The following ZMIZ1 variants were observed in gnomAD, a reference collection of about 807,000 sequenced individuals.
ZMIZ1 encodes the protein zinc finger MIZ-type containing 1.
In ZMIZ1, 17 loss-of-function variants were observed where a neutral mutation model predicts 113.9. The ratio of observed to expected loss-of-function variants is 0.15; its 90% CI spans 0.10 to 0.22. ZMIZ1 has a LOEUF of 0.22. ZMIZ1 is among the 10% of genes least tolerant of loss of function. ZMIZ1 has a pLI of 1.00. For synonymous variants in ZMIZ1, 607 were observed against 603.1 expected (o/e 1.01, Z -0.09); for missense variants, 1,059 against 1,477.8 (o/e 0.72, Z 4.65).
chr10:79,175,709 T>G (rs1438152053), intron 4 of ZMIZ1, among the ~76,000 whole-genome samples: 1 of 151,612 alleles, frequency 6.6e-6, no homozygotes, highest in Admixed American at 6.6e-5. Context: ...CTGCCCATCC[T>G]TGGGCTGGGC....
chr10:79,131,300 C>T (rs1412911364), intron 2 of ZMIZ1, among the ~76,000 whole-genome samples: 2 of 152,050 alleles, frequency 1.3e-5, no homozygotes, highest in Non-Finnish European at 2.9e-5. Flanking sequence ...TGCAGGAGAA[C>T]AGCACGTGCC....
chr10:79,111,455 T>A (rs1359495455), intron 1 of ZMIZ1, among the ~76,000 whole-genome samples: 1 of 152,090 alleles, frequency 6.6e-6, no homozygotes, highest in African/African-American at 2.4e-5. Context: ...CATAAGAAGT[T>A]TGGCCTGCCC....
intron 3 of ZMIZ1, among the ~76,000 whole-genome samples, chr10:79,148,880 C>T (rs867320854): frequency 1.3e-5 from 2 of 152,336 alleles, no homozygotes; most frequent in Non-Finnish European, 2.9e-5. Flanking sequence ...GAGTCCCTCC[C>T]GGGCTTTCCT....
intron 7 of ZMIZ1, among the ~76,000 whole-genome samples, chr10:79,232,130 T>C (rs1849418244): frequency 6.6e-6 from 1 of 152,322 alleles, no homozygotes; most frequent in Non-Finnish European, 1.5e-5. Flanking sequence ...TCCTCAGCTG[T>C]TGCATCAGGA....
chr10:79,159,189 C>T (rs1431080896), intron 3 of ZMIZ1, among the ~76,000 whole-genome samples: 1 of 152,234 alleles, frequency 6.6e-6, no homozygotes, highest in Non-Finnish European at 1.5e-5. Context: ...GAGCGCTCCC[C>T]TCCAGCCCCT....
At chr10:79,219,700 G>A (rs894093594) in intron 7 of ZMIZ1, among the ~76,000 whole-genome samples, 8 of 152,196 alleles carry the variant, frequency 5.3e-5, no homozygotes, top group Non-Finnish European at 1.2e-4. Context: ...CCCATGCATT[G>A]TGTCTGTGAA....
intron 4 of ZMIZ1, among the ~76,000 whole-genome samples, chr10:79,181,906 C>T (rs998665413): frequency 3.3e-5 from 5 of 152,336 alleles, no homozygotes; most frequent in South Asian, 4.2e-4. Flanking sequence ...CAGCTGAGGG[C>T]GGCTGCTGGA....
Position 79,307,475 on chromosome 10 carries a change from C to T in ZMIZ1, c.2739C>T (p.Asp913=), listed in dbSNP as rs376404328. ...HGNPGGTSMN[D]FMHGPPQLSH... The stretch of plus-strand genomic sequence containing the variant: ...ACCCTGGAGGGACATCCATGAATGA[C>T]TTCATGCACGGGCCCCCCCAGCTCT... Residue 913 remains aspartate (D), a synonymous_variant, in exon 23 of 25, where the codon GAC becomes GAT. Transcript: ENST00000334512. 21 of 1,611,558 alleles carry T rather than the reference C, an allele frequency of 1.3e-5. No individual in the cohort carries two copies. The highest frequency in any genetic ancestry group is 1.8e-5 in the Non-Finnish European group (21 of 1,178,284).
chr10:79,285,075 G>A (rs1301460139), intron 8 of ZMIZ1, among the ~76,000 whole-genome samples: 4 of 152,094 alleles, frequency 2.6e-5, no homozygotes, highest in East Asian at 1.9e-4. Flanking sequence ...CCCTTGCCTC[G>A]TGGCCATCTC....
intron 7 of ZMIZ1, among the ~76,000 whole-genome samples, chr10:79,260,063 C>T (rs1399958271): frequency 6.6e-6 from 1 of 152,218 alleles, no homozygotes; most frequent in Non-Finnish European, 1.5e-5. Context: ...CCAGACTAGG[C>T]TGTGTCCTAG....
intron 1 of ZMIZ1, among the ~76,000 whole-genome samples, chr10:79,108,379 A>C (rs948472962): frequency 1.1e-4 from 16 of 152,142 alleles, no homozygotes; most frequent in African/African-American, 3.9e-4. Flanking sequence ...CTGCAGTGTT[A>C]CTGTCTGGGA....
intron 7 of ZMIZ1, among the ~76,000 whole-genome samples, chr10:79,256,321 C>T (rs1245234789): frequency 6.6e-6 from 1 of 152,192 alleles, no homozygotes; most frequent in Non-Finnish European, 1.5e-5. Context: ...CCATGTCACC[C>T]CATCCCTCTA....
rs561602234 is a variant in ZMIZ1 at position 79,311,470 on chromosome 10, C to T, written c.3096+286C>T. 7.2e-5 allele frequency among the ~76,000 whole-genome samples: 11 copies of T among 152,278 alleles called. No individual in the cohort carries two copies. In the East Asian group the frequency reaches 9.7e-4, roughly 13 times the overall value. ...GACCCAAGCCCTGCGGGGTCCCTTG[C>T]GCAGCACAGGAGGGTCCCTGCCCTC... On this transcript the variant is annotated intron_variant, in intron 24 of 24. Transcript: ENST00000334512.
In ZMIZ1 at chr10:79,313,858, G is replaced by T; in HGVS notation, c.*1109G>T. On this transcript the variant is annotated 3_prime_UTR_variant, in exon 25 of 25. Coordinates refer to ENST00000334512, the MANE Select transcript of ZMIZ1 (RefSeq NM_020338.4). Reference sequence around the variant, plus strand: ...CTCTTTGTCCAATCAGATGGCAAGGGCAGTGCGTGGAAAGGCCGGGGAGGT... The same window carrying T: ...CTCTTTGTCCAATCAGATGGCAAGGTCAGTGCGTGGAAAGGCCGGGGAGGT... 1 of 361,634 alleles carries T rather than the reference G, an allele frequency of 2.8e-6. No individual in the cohort carries two copies. The highest frequency in any genetic ancestry group is 5.5e-6 in the Non-Finnish European group (1 of 182,502). The allele number at this position is 361,634 out of a possible 1,614,324, so 22.4% of individuals were successfully genotyped here. A position where few individuals can be genotyped will look rare whatever the true frequency, so the allele number is the denominator to read the frequency against.
At chr10:79,181,425 G>T (rs1475166476) in intron 4 of ZMIZ1, among the ~76,000 whole-genome samples, 1 of 152,218 alleles carries the variant, frequency 6.6e-6, no homozygotes, top group African/African-American at 2.4e-5. Context: ...GGATTCTGAG[G>T]GGGAGACAGC....
intron 7 of ZMIZ1, among the ~76,000 whole-genome samples, chr10:79,230,642 G>C (rs1174451771): frequency 6.6e-6 from 1 of 152,220 alleles, no homozygotes; most frequent in Non-Finnish European, 1.5e-5. Flanking sequence ...TCCCTGCACA[G>C]ACGGCGGGAA....
intron 7 of ZMIZ1, among the ~76,000 whole-genome samples, chr10:79,257,267 C>A (rs1850975145): frequency 6.6e-6 from 1 of 152,224 alleles, no homozygotes; most frequent in African/African-American, 2.4e-5. Context: ...AGCTGGTCTG[C>A]CCCCTGTCTG....
At chr10:79,303,918 G>A in intron 18 of ZMIZ1, 97 bp from the exon 19 acceptor site, 1 of 1,515,010 alleles carries the variant, frequency 6.6e-7, no homozygotes, top group Non-Finnish European at 9.0e-7. Flanking sequence ...ACCAGGACAT[G>A]CCCCAGCTGC....
At chr10:79,159,797 A>T (rs145822786) in intron 3 of ZMIZ1, among the ~76,000 whole-genome samples, 538 of 152,248 alleles carry the variant, frequency 3.5e-3, no homozygotes, top group African/African-American at 0.012. Flanking sequence ...ACCCCCACTT[A>T]TGGCTGGGTG....
Sources: allele counts gnomAD v4.1 joint callset (sites outside exome capture counted in the v4.1 genomes callset), GRCh38; gene constraint gnomAD v4.1.1; transcripts MANE v1.5; gene names NCBI Gene and HGNC (gene_info 2026-07-23, HGNC 2026-07-21).